Variants in PAWR observed in about 807,000 individuals in gnomAD.
The protein encoded by PAWR is PRKC apoptosis WT1 regulator protein.
A neutral mutation model predicts 32.0 loss-of-function variants in PAWR; 23 were observed. The ratio of observed to expected loss-of-function variants is 0.72; its 90% CI spans 0.52 to 1.02. The LOEUF (loss-of-function observed/expected upper bound fraction) is 1.02, where lower values mean the gene tolerates loss of function less well. Ranked by LOEUF, PAWR falls within the 50% of genes least tolerant of loss-of-function variation. The pLI is 0.00. For synonymous variants in PAWR, 226 were observed against 187.1 expected (o/e 1.21, Z -1.70); for missense variants, 457 against 437.7 (o/e 1.04, Z -0.39).
intron 6 of PAWR, 103 bp from the exon 7 acceptor site, chr12:79,592,796 T>G (rs1417957582): frequency 8.9e-6 from 5 of 561,672 alleles, no homozygotes; most frequent in Non-Finnish European, 3.1e-6. Flanking sequence ...CAATTAATTT[T>G]GAAATGAGGG....
intron 4 of PAWR, among the ~76,000 whole-genome samples, chr12:79,611,924 A>G (rs1874457568): frequency 6.6e-6 from 1 of 152,130 alleles, no homozygotes; most frequent in Non-Finnish European, 1.5e-5. Flanking sequence ...CTTGATTCTA[A>G]TTAAAGAACA....
At chr12:79,597,342 G>A (rs1470845294) in intron 4 of PAWR, among the ~76,000 whole-genome samples, 6 of 152,172 alleles carry the variant, frequency 3.9e-5, no homozygotes, top group Non-Finnish European at 2.9e-5. Context: ...TAGGATTACA[G>A]ATGTGAGCAT....
intron 2 of PAWR, among the ~76,000 whole-genome samples, chr12:79,641,497 T>C (rs1876318389): frequency 6.6e-6 from 1 of 152,200 alleles, no homozygotes; most frequent in Non-Finnish European, 1.5e-5. Context: ...TTTTTACTTA[T>C]ATAAAACAAG....
At chr12:79,671,951 T>C (rs1877922842) in intron 2 of PAWR, among the ~76,000 whole-genome samples, 1 of 152,202 alleles carries the variant, frequency 6.6e-6, no homozygotes, top group South Asian at 2.1e-4. Context: ...ATCATTTTAC[T>C]GCACGAATAG....
rs1345986373 is a variant in PAWR at position 79,587,685 on chromosome 12, T to C, written c.*4922A>G. 1.3e-5 allele frequency: 2 copies of C among 151,990 alleles called. No homozygotes were observed. Among genetic ancestry groups the C allele is most frequent in the African/African-American group, 4.8e-5 (2 of 41,462 alleles). 9.4% of individuals were successfully genotyped at this position (151,990 alleles called of 1,614,324 possible). On this transcript the variant is annotated 3_prime_UTR_variant, in exon 7 of 7. Transcript: ENST00000328827. ...TTTTTAAAGTGCTGCATATGGTTTC[T>C]GTAAGAGGTACATAATTAGATTACC...
At chr12:79,597,686 A>G (rs1329796379) in intron 4 of PAWR, 1 of 152,254 alleles carries the variant, frequency 6.6e-6, no homozygotes, top group Non-Finnish European at 1.5e-5. Flanking sequence ...TAAGTAAAAC[A>G]GCAATTCCTT....
At chr12:79,626,495 G>A (rs1455032675) in intron 2 of PAWR, among the ~76,000 whole-genome samples, 1 of 151,250 alleles carries the variant, frequency 6.6e-6, no homozygotes. Flanking sequence ...TCCAGACCTC[G>A]TGATCCACCC....
chr12:79,660,010 C>T (rs1877274007), intron 2 of PAWR, among the ~76,000 whole-genome samples: 1 of 152,134 alleles, frequency 6.6e-6, no homozygotes, highest in African/African-American at 2.4e-5. Context: ...AAAGAAAATG[C>T]TGAGAACAAT....
chr12:79,677,198 A>G (rs183967094), intron 2 of PAWR, among the ~76,000 whole-genome samples: 2 of 152,334 alleles, frequency 1.3e-5, no homozygotes, highest in East Asian at 3.9e-4. Flanking sequence ...CAAATTAGAG[A>G]ATATTCTGTA....
intron 2 of PAWR, among the ~76,000 whole-genome samples, chr12:79,652,235 G>A (rs1316209961): frequency 6.6e-6 from 1 of 152,080 alleles, no homozygotes; most frequent in Non-Finnish European, 1.5e-5. Context: ...ATGGTTCGAT[G>A]CTAAGTTTTA....
At chr12:79,630,492 G>A (rs899108759) in intron 2 of PAWR, among the ~76,000 whole-genome samples, 18 of 152,016 alleles carry the variant, frequency 1.2e-4, no homozygotes, top group African/African-American at 2.7e-4. Flanking sequence ...TATAAGAGAC[G>A]GGGTTTCGTC....
chr12:79,643,393 CT>C (rs1876425425), intron 2 of PAWR, among the ~76,000 whole-genome samples: 1 of 151,988 alleles, frequency 6.6e-6, no homozygotes, highest in South Asian at 2.1e-4. Context: ...CTTATCAAGG[CT>C]TTTAAAAGTA....
rs1555236663 is a variant in PAWR at position 79,632,346 on chromosome 12, T to TATACAAA, written c.517-11140_517-11139insTTTGTAT. The stretch of plus-strand genomic sequence containing the variant: ...ATATATATATATATATATATATATA[T>TATACAAA]ATATATATATATATATTTTTTTTTT... On this transcript the variant is annotated intron_variant, in intron 2 of 6. Coordinates refer to ENST00000328827, the MANE Select transcript of PAWR (RefSeq NM_002583.4). Among the ~76,000 whole-genome samples, 601 of 66,754 alleles carry TATACAAA rather than the reference T, an allele frequency of 9.0e-3. 23 individuals carry two copies. The highest frequency in any genetic ancestry group is 0.011 in the Non-Finnish European group (503 of 44,156). The allele number at this position is 66,754 out of a possible 152,430, so 43.8% of individuals were successfully genotyped here.
intron 2 of PAWR, among the ~76,000 whole-genome samples, chr12:79,638,900 T>A (rs56251008): frequency 0.056 from 684 of 12,176 alleles, no homozygotes; most frequent in East Asian, 0.075. Flanking sequence ...ATATATATTT[T>A]TTTTTTTTTT....
chr12:79,649,653 T>C (rs946789167), intron 2 of PAWR, among the ~76,000 whole-genome samples: 1 of 151,834 alleles, frequency 6.6e-6, no homozygotes, highest in Non-Finnish European at 1.5e-5. Context: ...TAGCCAGGCA[T>C]AGTGGTGTGC....
At chr12:79,620,984 G>T in intron 3 of PAWR, 92 bp downstream of exon 3, 1 of 890,094 alleles carries the variant, frequency 1.1e-6, no homozygotes, top group South Asian at 1.7e-5. Flanking sequence ...AGGAGGCAAT[G>T]GGAGATATAT....
intron 4 of PAWR, among the ~76,000 whole-genome samples, chr12:79,598,908 T>C (rs1186269835): frequency 6.6e-6 from 1 of 152,168 alleles, no homozygotes; most frequent in Non-Finnish European, 1.5e-5. Flanking sequence ...GGCTAATTTT[T>C]GTATTTTTAG....
chr12:79,625,747 G>A (rs1875267940), intron 2 of PAWR, among the ~76,000 whole-genome samples: 1 of 152,006 alleles, frequency 6.6e-6, no homozygotes, highest in Non-Finnish European at 1.5e-5. Flanking sequence ...GCGAACGCGG[G>A]AGGCAGAGCT....
intron 2 of PAWR, among the ~76,000 whole-genome samples, chr12:79,672,358 T>TG (rs1397234019): frequency 3.3e-5 from 5 of 152,206 alleles, no homozygotes; most frequent in African/African-American, 1.2e-4. Context: ...GTTGAATACT[T>TG]GAAGTTTCCT....
Sources: allele counts gnomAD v4.1 joint callset (sites outside exome capture counted in the v4.1 genomes callset), GRCh38; gene constraint gnomAD v4.1.1; transcripts MANE v1.5; gene names NCBI Gene and HGNC (gene_info 2026-07-23, HGNC 2026-07-21).